Variants in SYTL2 observed in about 807,000 individuals in gnomAD.
The protein encoded by SYTL2 is synaptotagmin like 2.
In SYTL2, 165 loss-of-function variants were observed where a neutral mutation model predicts 198.7. That is an observed-to-expected ratio of 0.83 (90% CI 0.73 to 0.94). The LOEUF (loss-of-function observed/expected upper bound fraction) is 0.94. SYTL2 is among the 40% of genes least tolerant of loss of function. The pLI, the probability that SYTL2 is intolerant of heterozygous loss-of-function variation, is 0.00. For missense variants in SYTL2, 2,835 were observed against 2,582.8 expected, an observed-to-expected ratio of 1.10 and a Z score of -2.12; for synonymous variants, 966 against 917.7, an observed-to-expected ratio of 1.05 and a Z score of -0.95.
intron 11 of SYTL2, 185 bp from the exon 12 acceptor site, chr11:85,714,692 A>G (rs2086876154): frequency 2.3e-6 from 3 of 1,316,972 alleles, no homozygotes; most frequent in Non-Finnish European, 1.9e-6. Flanking sequence ...TAAATTATAT[A>G]GAGAGAGAAC....
intron 3 of SYTL2, among the ~76,000 whole-genome samples, 195 bp downstream of exon 3, chr11:85,748,077 C>A (rs1424880387): frequency 1.3e-5 from 2 of 152,178 alleles, no homozygotes; most frequent in Non-Finnish European, 2.9e-5. Flanking sequence ...TTCCTCTACA[C>A]CACACTGAGT....
chr11:85,772,054 C>G (rs1243295993), intron 1 of SYTL2, among the ~76,000 whole-genome samples: 2 of 152,132 alleles, frequency 1.3e-5, no homozygotes, highest in African/African-American at 4.8e-5. Context: ...AGGCATATGA[C>G]ACAACGCCTG....
chr11:85,737,497 T>G (rs1389014483), intron 5 of SYTL2, 78 bp downstream of exon 5: 1 of 1,137,206 alleles, frequency 8.8e-7, no homozygotes, highest in Middle Eastern at 2.0e-4. Context: ...TTCTCTTTAT[T>G]TTGTGGTGCT....
chr11:85,829,288 T>C, the SYTL2 span, among the ~76,000 whole-genome samples: 1 of 152,140 alleles, frequency 6.6e-6, no homozygotes, highest in Non-Finnish European at 1.5e-5. Flanking sequence ...TGTTTATGTG[T>C]ATTCAATATT....
At chr11:85,717,335 AC>A in intron 11 of SYTL2, 147 bp downstream of exon 11, 1 of 628,600 alleles carries the variant, frequency 1.6e-6, no homozygotes, top group Non-Finnish European at 2.8e-6. Flanking sequence ...TTTCAATAAA[AC>A]CCTTATCGTA....
At chr11:85,779,912 C>T (rs1186523851) in intron 1 of SYTL2, among the ~76,000 whole-genome samples, 1 of 152,210 alleles carries the variant, frequency 6.6e-6, no homozygotes, top group African/African-American at 2.4e-5. Flanking sequence ...GCAAGGTCAA[C>T]TTTGCTCCCA....
chr11:85,736,732 G>C lies in SYTL2; in HGVS notation c.472-117C>G, dbSNP rs917640503. The C allele has an allele frequency of 6.2e-6, 4 of 645,534 alleles. No homozygotes were observed. In the Admixed American group the frequency reaches 1.2e-4, roughly 20 times the overall value. The allele number at this position is 645,534 out of a possible 1,614,324, so 40.0% of individuals were successfully genotyped here. A position where few individuals can be genotyped will look rare whatever the true frequency, so the allele number is the denominator to read the frequency against. On this transcript the variant is annotated intron_variant, in intron 5 of 19. Transcript: ENST00000359152. Reference sequence around the variant, plus strand: ...TTTATCCCATAAACTCCATTATTTGGCATGTTTGAAAAACAGTTGTCCTGA... The same window carrying C: ...TTTATCCCATAAACTCCATTATTTGCCATGTTTGAAAAACAGTTGTCCTGA...
chr11:85,797,502 T>C (rs2092820409), intron 1 of SYTL2, among the ~76,000 whole-genome samples: 1 of 151,546 alleles, frequency 6.6e-6, no homozygotes, highest in Non-Finnish European at 1.5e-5. Flanking sequence ...GTGGCAGGCA[T>C]CTGTAATCCC....
the SYTL2 span, among the ~76,000 whole-genome samples, chr11:85,828,254 A>C: frequency 6.6e-6 from 1 of 152,218 alleles, no homozygotes; most frequent in African/African-American, 2.4e-5. Flanking sequence ...TTAATGTTAT[A>C]CTAAATTTTT....
rs2084879606 is a variant in SYTL2 at position 85,704,853 on chromosome 11, C to T, written c.6189+5G>A. On this transcript the variant is annotated splice_donor_5th_base_variant and intron_variant, in intron 16 of 19. Transcript: ENST00000359152. ...AAATAAACAAACAAAAAATTCCGGACTCACCTTCCGCTTCAGAGGGTACCA... is the reference window on the plus strand; with the variant it reads ...AAATAAACAAACAAAAAATTCCGGATTCACCTTCCGCTTCAGAGGGTACCA... 1 of 1,610,282 alleles carries T rather than the reference C, an allele frequency of 6.2e-7. No individual in the cohort carries two copies. Among genetic ancestry groups the T allele is most frequent in the Non-Finnish European group, 8.5e-7 (1 of 1,177,684 alleles).
intron 1 of SYTL2, among the ~76,000 whole-genome samples, chr11:85,789,340 G>GTATATATATATA (rs56956411): frequency 1.6e-5 from 1 of 62,526 alleles, no homozygotes; most frequent in East Asian, 5.9e-4. Flanking sequence ...GTGTGTGTGT[G>GTATATATATATA]TATATATATA....
At chr11:85,797,025 T>TA (rs936826167) in intron 1 of SYTL2, among the ~76,000 whole-genome samples, 2 of 151,886 alleles carry the variant, frequency 1.3e-5, no homozygotes, top group Admixed American at 6.6e-5. Flanking sequence ...CCCATCTCTA[T>TA]AAAAAAAAAT....
Position 85,726,756 on chromosome 11 carries a change from G to A in SYTL2, c.2602C>T (p.Leu868Phe). Residue 868 changes from leucine (L) to phenylalanine (F), a missense_variant, in exon 8 of 20, where the codon CTC becomes TTC. Leu to Phe is a conservative substitution (Grantham distance 22). This residue lies in a region of SYTL2 where 2,645 missense variants were observed against 2,381.7 expected (regional missense o/e 1.11). Transcript: ENST00000359152. ...TTATTTGAGGAATAAGAATTGGAGA[G>A]CTGGGATGCTTGATCATCCTCATCT... Reference protein sequence around the residue: ...VLDEDDQASQLSNSYSSNKSK... With the variant: ...VLDEDDQASQFSNSYSSNKSK... 1 of 1,536,146 alleles carries A rather than the reference G, an allele frequency of 6.5e-7. No homozygotes were observed. The highest frequency in any genetic ancestry group is 1.2e-5 in the South Asian group (1 of 84,062).
At chr11:85,750,121 A>G (rs2091425349) in intron 2 of SYTL2, among the ~76,000 whole-genome samples, 1 of 151,890 alleles carries the variant, frequency 6.6e-6, no homozygotes, top group African/African-American at 2.4e-5. Context: ...TGGCAGAAAG[A>G]CTCTGGGTTT....
intron 2 of SYTL2, among the ~76,000 whole-genome samples, chr11:85,750,607 C>T (rs1414427167): frequency 2.0e-5 from 3 of 152,188 alleles, no homozygotes; most frequent in Non-Finnish European, 4.4e-5. Flanking sequence ...TATGTCTTAA[C>T]CACCTTTGTA....
At chr11:85,789,398 A>AAG (rs2092698425) in intron 1 of SYTL2, among the ~76,000 whole-genome samples, 1 of 92,808 alleles carries the variant, frequency 1.1e-5, no homozygotes, top group African/African-American at 5.0e-5. Flanking sequence ...ATATATATAT[A>AAG]TAATTTTTTT....
chr11:85,703,490 TGAAA>T (rs2153388059), intron 16 of SYTL2, among the ~76,000 whole-genome samples: 1 of 152,130 alleles, frequency 6.6e-6, no homozygotes, highest in East Asian at 1.9e-4. Flanking sequence ...TTCAAAACAC[TGAAA>T]GAAATAATTG....
At chr11:85,722,590 C>T (rs929950370) in intron 8 of SYTL2, among the ~76,000 whole-genome samples, 1 of 152,080 alleles carries the variant, frequency 6.6e-6, no homozygotes, top group Non-Finnish European at 1.5e-5. Flanking sequence ...AGCGCTCCTT[C>T]TCCTGTGGGT....
Position 85,810,552 on chromosome 11 carries a change from C to G in SYTL2, c.-390+402G>C, listed in dbSNP as rs148648576. The stretch of plus-strand genomic sequence containing the variant: ...TGGCCGGCCCTTCCCAACACCCCAC[C>G]TGTAAACAGGTGCTGACGCTCCTAC... On this transcript the variant is annotated intron_variant, in intron 1 of 19. Coordinates refer to ENST00000359152, the MANE Select transcript of SYTL2 (RefSeq NM_206927.4). Among the ~76,000 whole-genome samples the G allele has an allele frequency of 5.3e-5, 8 of 152,290 alleles. No homozygotes were observed. The East Asian group carries it at 1.4e-3, about 26-fold the overall frequency.
Sources: allele counts gnomAD v4.1 joint callset (sites outside exome capture counted in the v4.1 genomes callset), GRCh38; gene constraint gnomAD v4.1.1; regional missense constraint gnomAD v4.1.1; transcripts MANE v1.5; gene names NCBI Gene and HGNC (gene_info 2026-07-23, HGNC 2026-07-21).